ADAM18: variants seen among roughly 807,000 people sequenced by gnomAD.
ADAM18 encodes disintegrin and metalloproteinase domain-containing protein 18.
ADAM18 carries 117 observed loss-of-function variants against 94.4 expected under a neutral mutation model. That is an observed-to-expected ratio of 1.24 (90% CI 1.07 to 1.45). The LOEUF (loss-of-function observed/expected upper bound fraction) is 1.45. Ranked by LOEUF, ADAM18 falls within the 40% of genes most tolerant of loss-of-function variation. The pLI, the probability that ADAM18 is intolerant of heterozygous loss-of-function variation, is 0.00. For synonymous variants in ADAM18, 327 were observed against 291.6 expected (o/e 1.12, Z -1.24); for missense variants, 936 against 880.0 (o/e 1.06, Z -0.81).
At position 39,729,925 on chromosome 8, in the gene ADAM18, T is replaced by A. The variant is rs368633576; in HGVS notation, c.2205T>A (p.Asp735Glu). ...ATTCATCCGTTGTATCAGAAAGCGA[T>A]GACGTGGGACATTAATATTGCACAG... The part of the protein sequence containing the change: ...NRNSSVVSES[D>E]DVGH The change falls in exon 20 of 20, where the codon GAT (aspartate) becomes GAA (glutamate). Residue 735 changes from aspartate to glutamate, a missense_variant. Transcript: ENST00000265707. 6.2e-7 allele frequency: 1 copy of A among 1,613,570 alleles called. No homozygotes were observed. Among genetic ancestry groups the A allele is most frequent in the Non-Finnish European group, 8.5e-7 (1 of 1,179,472 alleles).
chr8:39,683,300 A>T (rs1328829921), intron 16 of ADAM18, among the ~76,000 whole-genome samples: 8 of 152,244 alleles, frequency 5.3e-5, no homozygotes, highest in Non-Finnish European at 5.9e-5. Flanking sequence ...AAACCTTCAG[A>T]TGAAATTGGC....
At chr8:39,713,014 G>A (rs1437357115) in intron 18 of ADAM18, among the ~76,000 whole-genome samples, 1 of 152,132 alleles carries the variant, frequency 6.6e-6, no homozygotes, top group African/African-American at 2.4e-5. Flanking sequence ...AAAGCTGGAG[G>A]CATCACCCTC....
intron 10 of ADAM18, among the ~76,000 whole-genome samples, chr8:39,639,557 T>C (rs181460707): frequency 1.1e-3 from 161 of 152,080 alleles, no homozygotes; most frequent in Admixed American, 2.0e-3. Flanking sequence ...TAATAGTTCA[T>C]CATATCCATA....
At chr8:39,659,757 A>G (rs1227907549) in intron 12 of ADAM18, among the ~76,000 whole-genome samples, 2 of 152,138 alleles carry the variant, frequency 1.3e-5, no homozygotes, top group Non-Finnish European at 2.9e-5. Flanking sequence ...TTCATAATCA[A>G]AAAAAGAATA....
chr8:39,709,079 C>T (rs975672365), intron 18 of ADAM18, among the ~76,000 whole-genome samples: 43 of 152,310 alleles, frequency 2.8e-4, no homozygotes, highest in East Asian at 1.5e-3. Flanking sequence ...CTTTTGCATC[C>T]GCACTCATGG....
At chr8:39,609,425 G>T in intron 4 of ADAM18, 60 bp from the exon 5 acceptor site, 1 of 1,139,988 alleles carries the variant, frequency 8.8e-7, no homozygotes, top group Non-Finnish European at 1.3e-6. Context: ...TGACATGTTT[G>T]ACAATACATT....
intron 16 of ADAM18, among the ~76,000 whole-genome samples, chr8:39,688,873 G>T (rs1474944212): frequency 8.5e-5 from 13 of 152,114 alleles, no homozygotes; most frequent in Non-Finnish European, 5.9e-5. Flanking sequence ...GACAGCATCT[G>T]TTAATTTTTT....
At chr8:39,694,494 G>A (rs980748188) in intron 17 of ADAM18, among the ~76,000 whole-genome samples, 1 of 151,482 alleles carries the variant, frequency 6.6e-6, no homozygotes, top group Admixed American at 6.6e-5. Flanking sequence ...TCTATCTTAT[G>A]GATTTGATAG....
chr8:39,660,413 T>G lies in ADAM18; in HGVS notation c.1231-3382T>G, dbSNP rs375085907. The stretch of plus-strand genomic sequence containing the variant: ...AAAGTAAAGGAATGCAAGACTATAT[T>G]TCATGCACATAGTAACCGAAAAAGA... On this transcript the variant is annotated intron_variant, in intron 12 of 19. Transcript: ENST00000265707. Among the ~76,000 whole-genome samples the G allele has an allele frequency of 3.3e-5, 5 of 152,282 alleles. 1 individual carries two copies. The highest frequency in any genetic ancestry group is 1.2e-4 in the African/African-American group (5 of 41,550).
At chr8:39,638,659 A>G (rs537431380) in intron 10 of ADAM18, 113 bp downstream of exon 10, 2 of 487,350 alleles carry the variant, frequency 4.1e-6, no homozygotes, top group Non-Finnish European at 6.9e-6. Flanking sequence ...TTTTCTGTAT[A>G]TGTATATTCA....
intron 2 of ADAM18, among the ~76,000 whole-genome samples, chr8:39,599,699 T>C (rs978937628): frequency 5.3e-5 from 8 of 152,168 alleles, no homozygotes; most frequent in African/African-American, 1.9e-4. Flanking sequence ...GTAAATTCCA[T>C]TTTTATTGCA....
intron 16 of ADAM18, among the ~76,000 whole-genome samples, chr8:39,686,754 T>C (rs767948879): frequency 2.6e-5 from 4 of 152,262 alleles, no homozygotes; most frequent in African/African-American, 4.8e-5. Context: ...AGATATTTTT[T>C]ATTCATTATT....
chr8:39,660,862 A>G (rs781382253), intron 12 of ADAM18, among the ~76,000 whole-genome samples: 8 of 152,220 alleles, frequency 5.3e-5, no homozygotes, highest in Non-Finnish European at 1.0e-4. Flanking sequence ...TTGTGCAGAA[A>G]CAGAGTTAAC....
At chr8:39,705,555 T>C (rs1167054897) in intron 17 of ADAM18, among the ~76,000 whole-genome samples, 1 of 151,904 alleles carries the variant, frequency 6.6e-6, no homozygotes, top group African/African-American at 2.4e-5. Context: ...CAAGACCCCA[T>C]CTAAAAAAAT....
In ADAM18 at chr8:39,657,314, GTTTGTT is replaced by G. The variant is rs765468184; in HGVS notation, c.1231-6471_1231-6466del. 2.0e-4 allele frequency among the ~76,000 whole-genome samples: 31 copies of G among 152,020 alleles called. 1 individual carries two copies. The highest frequency in any genetic ancestry group is 3.7e-4 in the Non-Finnish European group (25 of 67,940). On this transcript the variant is annotated intron_variant, in intron 12 of 19. Coordinates refer to ENST00000265707, the MANE Select transcript of ADAM18 (RefSeq NM_014237.3). ...TCACTAAAAAGGTCTTTGTTTGTTT[GTTTGTT>G]TTTGTTTTTTGAGACAGCCTTGCTT... is the stretch of plus-strand genomic sequence containing the variant.
intron 3 of ADAM18, among the ~76,000 whole-genome samples, chr8:39,608,087 A>G (rs1370808570): frequency 2.0e-5 from 3 of 152,036 alleles, no homozygotes; most frequent in Non-Finnish European, 4.4e-5. Context: ...TTTTTCAGGA[A>G]AAAAAAACAT....
Position 39,609,096 on chromosome 8 carries a change from G to C in ADAM18, c.243G>C (p.Leu81Phe), listed in dbSNP as rs778297343. The change falls in exon 4 of 20, where the codon TTG becomes TTC. Residue 81 changes from leucine to phenylalanine, a missense_variant. Leu to Phe is a conservative substitution (Grantham distance 22, BLOSUM62 0). Transcript: ENST00000265707. ...ATACATATAATGAAACTGGATCTTT[G>C]CATTCTGTGTCTCCATATTTTATGG... ...LVYTYNETGS[L>F]HSVSPYFMMH... 4.4e-6 allele frequency: 7 copies of C among 1,591,842 alleles called. No homozygotes were observed. The South Asian group carries it at 6.9e-5, about 16-fold the overall frequency.
At chr8:39,614,343 C>T (rs1047394386) in intron 6 of ADAM18, among the ~76,000 whole-genome samples, 4 of 152,170 alleles carry the variant, frequency 2.6e-5, no homozygotes, top group Non-Finnish European at 4.4e-5. Flanking sequence ...AAATAAATTT[C>T]AACCAAGAAT....
chr8:39,607,797 T>C (rs949378192), intron 3 of ADAM18, among the ~76,000 whole-genome samples: 4 of 146,654 alleles, frequency 2.7e-5, no homozygotes, highest in African/African-American at 1.0e-4. Flanking sequence ...CTCCATAGTA[T>C]GGTTTCTGCA....
Sources: gnomAD v4.1 joint callset for allele counts (sites outside exome capture counted in the v4.1 genomes callset) on GRCh38, gnomAD v4.1.1 for gene constraint, MANE v1.5 for transcripts, NCBI Gene and HGNC (gene_info 2026-07-23, HGNC 2026-07-21) for gene names.